ADGRL2: variants seen among roughly 807,000 people sequenced by gnomAD.
ADGRL2 encodes the protein calcium-independent alpha-latrotoxin receptor 2.
ADGRL2 carries 44 observed loss-of-function variants against 157.4 expected under a neutral mutation model. The observed-to-expected ratio is 0.28, with a 90% CI of 0.22 to 0.36. ADGRL2 has a LOEUF of 0.36. ADGRL2 is among the 10% of genes least tolerant of loss of function. ADGRL2 has a pLI of 1.00. For synonymous variants in ADGRL2, 585 were observed against 624.7 expected, an observed-to-expected ratio of 0.94 and a Z score of 0.95; for missense variants, 1,510 against 1,768.9, an observed-to-expected ratio of 0.85 and a Z score of 2.63.
chr1:81,365,189 T>G (rs1361902392), intron 1 of ADGRL2, among the ~76,000 whole-genome samples: 1 of 152,164 alleles, frequency 6.6e-6, no homozygotes, highest in Non-Finnish European at 1.5e-5. Context: ...ATTTCTGTCA[T>G]GTCAGTCCAA....
chr1:81,509,588 A>G (rs886734504), intron 2 of ADGRL2, among the ~76,000 whole-genome samples: 3 of 152,220 alleles, frequency 2.0e-5, no homozygotes, highest in African/African-American at 7.2e-5. Flanking sequence ...CCAGATTCCT[A>G]ACAAGAAGGC....
At chr1:81,335,843 A>AC (rs1661602446) in intron 1 of ADGRL2, among the ~76,000 whole-genome samples, 1 of 151,652 alleles carries the variant, frequency 6.6e-6, no homozygotes, top group African/African-American at 2.4e-5. Context: ...TTAAAAAAAA[A>AC]AAAAACAAAA....
intron 1 of ADGRL2, among the ~76,000 whole-genome samples, chr1:81,387,516 A>T (rs2076458784): frequency 6.6e-6 from 1 of 152,126 alleles, no homozygotes; most frequent in African/African-American, 2.4e-5. Flanking sequence ...ATTTCTTTCC[A>T]TAACTGTATG....
intron 3 of ADGRL2, among the ~76,000 whole-genome samples, chr1:81,928,016 G>A (rs1437930958): frequency 1.3e-5 from 2 of 152,004 alleles, no homozygotes; most frequent in African/African-American, 4.8e-5. Context: ...GTATCTTGAA[G>A]CATAATTCTT....
intron 2 of ADGRL2, among the ~76,000 whole-genome samples, chr1:81,560,001 T>G (rs2080404137): frequency 6.6e-6 from 1 of 152,176 alleles, no homozygotes; most frequent in Admixed American, 6.5e-5. Flanking sequence ...ATCAAAATAT[T>G]ATGATAATTT....
chr1:81,759,184 C>T (rs1280741638), intron 1 of ADGRL2, among the ~76,000 whole-genome samples: 2 of 152,112 alleles, frequency 1.3e-5, no homozygotes, highest in Non-Finnish European at 2.9e-5. Flanking sequence ...TTGCTCTTTA[C>T]ACATCAGAGT....
intron 2 of ADGRL2, among the ~76,000 whole-genome samples, chr1:81,886,025 A>C (rs575839172): frequency 7.2e-5 from 11 of 152,040 alleles, no homozygotes; most frequent in African/African-American, 2.2e-4. Context: ...AGTAACATTG[A>C]CTCCCTGGGT....
chr1:81,487,267 C>T (rs773982607), intron 2 of ADGRL2, among the ~76,000 whole-genome samples: 7 of 151,396 alleles, frequency 4.6e-5, no homozygotes, highest in Non-Finnish European at 5.9e-5. Flanking sequence ...TTCAAAAAAA[C>T]GAAAGGAAAA....
chr1:81,915,286 C>A (rs2094829998), intron 3 of ADGRL2, among the ~76,000 whole-genome samples: 1 of 151,962 alleles, frequency 6.6e-6, no homozygotes. Context: ...GCCGTGTTGC[C>A]CTGGCTGGTC....
intron 3 of ADGRL2, among the ~76,000 whole-genome samples, chr1:81,595,507 T>C (rs982883426): frequency 2.2e-4 from 33 of 152,290 alleles, no homozygotes; most frequent in African/African-American, 7.5e-4. Context: ...TCATTAACAA[T>C]TACCAAAGAT....
intron 2 of ADGRL2, among the ~76,000 whole-genome samples, chr1:81,542,489 G>A (rs1364275239): frequency 1.3e-5 from 2 of 152,158 alleles, no homozygotes; most frequent in Admixed American, 6.5e-5. Context: ...CAGCCAATGT[G>A]CATTACTTCA....
intron 2 of ADGRL2, among the ~76,000 whole-genome samples, chr1:81,861,014 CT>C (rs36062412): frequency 0.021 from 2,526 of 118,462 alleles, 24 homozygotes; most frequent in Non-Finnish European, 0.031. Flanking sequence ...ATTTCACTGA[CT>C]TTTTTTTTTT....
chr1:81,526,205 T>G (rs1490799619), intron 2 of ADGRL2, among the ~76,000 whole-genome samples: 1 of 152,252 alleles, frequency 6.6e-6, no homozygotes, highest in East Asian at 1.9e-4. Flanking sequence ...CCTGTTTTAT[T>G]AATAATTGAA....
intron 1 of ADGRL2, among the ~76,000 whole-genome samples, chr1:81,707,538 T>G (rs1316063533): frequency 6.6e-6 from 1 of 152,190 alleles, no homozygotes; most frequent in Non-Finnish European, 1.5e-5. Context: ...TGTAGCAAAT[T>G]CAGTGGTCAG....
intron 1 of ADGRL2, among the ~76,000 whole-genome samples, chr1:81,390,124 G>A (rs536947002): frequency 4.6e-4 from 70 of 152,392 alleles, no homozygotes; most frequent in African/African-American, 1.7e-3. Flanking sequence ...AGGAAGAAGA[G>A]AAGTTCTGAA....
intron 2 of ADGRL2, among the ~76,000 whole-genome samples, chr1:81,530,565 T>C (rs1324488853): frequency 6.6e-6 from 1 of 151,906 alleles, no homozygotes. Context: ...CCCAGGCTGG[T>C]CTCCAACTCC....
At chr1:81,627,126 A>G (rs2148735707) in intron 3 of ADGRL2, among the ~76,000 whole-genome samples, 1 of 152,190 alleles carries the variant, frequency 6.6e-6, no homozygotes, top group African/African-American at 2.4e-5. Flanking sequence ...GTTATTCTAG[A>G]AATGGATAAT....
upstream of ADGRL2, among the ~76,000 whole-genome samples, chr1:81,800,834 A>C (rs1028338705): frequency 7.4e-6 from 1 of 135,286 alleles, no homozygotes. Flanking sequence ...CTGGAGGCAG[A>C]GCTCGGGGAC....
chr1:81,984,613 C>T lies in ADGRL2; in HGVS notation c.3313C>T (p.His1105Tyr), dbSNP rs766534631. ...AAAAGAATATGGCAAGTGCTTCAGA[C>T]ACTCATACTGCTGTGGAGGCCTCCC... ...VRKEYGKCFR[H>Y]SYCCGGLPTE... The change falls in exon 20 of 24, where the codon CAC (histidine) becomes TAC (tyrosine). Residue 1105 changes from histidine (H) to tyrosine (Y), a missense_variant. This residue lies in a region of ADGRL2 where 497 missense variants were observed against 627.2 expected (regional missense o/e 0.79). Transcript: ENST00000686636. 2.5e-6 allele frequency: 4 copies of T among 1,611,686 alleles called. No individual in the cohort carries two copies. In the East Asian group the frequency reaches 8.9e-5, roughly 36 times the overall value.
Sources: allele counts gnomAD v4.1 joint callset (sites outside exome capture counted in the v4.1 genomes callset), GRCh38; gene constraint gnomAD v4.1.1; regional missense constraint gnomAD v4.1.1; transcripts MANE v1.5; gene names NCBI Gene and HGNC (gene_info 2026-07-23, HGNC 2026-07-21).